The following TTLL11 variants were observed in gnomAD, a reference collection of about 807,000 sequenced individuals.
TTLL11 encodes tubulin tyrosine ligase like 11.
In TTLL11, 42 loss-of-function variants were observed where a neutral mutation model predicts 51.7. That is an observed-to-expected ratio of 0.81 (90% CI 0.64 to 1.05). The LOEUF (loss-of-function observed/expected upper bound fraction) is 1.05, where lower values mean the gene tolerates loss of function less well. Among genes scored for constraint, TTLL11 ranks in the 50% least tolerant of loss-of-function variants. The probability of loss-of-function intolerance (pLI) is 0.00; values close to 1 mark genes in which losing one functional copy is unlikely to be tolerated. For synonymous variants in TTLL11, 381 were observed against 383.5 expected (o/e 0.99, Z 0.08); for missense variants, 799 against 940.4 (o/e 0.85, Z 1.97).
At chr9:121,917,559 AAG>A (rs1588123593) in intron 6 of TTLL11, among the ~76,000 whole-genome samples, 1 of 149,280 alleles carries the variant, frequency 6.7e-6, no homozygotes. Context: ...AAGAAAAAGA[AAG>A]AAAGAAAGAA....
intron 6 of TTLL11, among the ~76,000 whole-genome samples, chr9:121,926,636 C>T (rs1840746870): frequency 6.6e-6 from 1 of 152,156 alleles, no homozygotes; most frequent in Non-Finnish European, 1.5e-5. Flanking sequence ...AGTGGGGCTT[C>T]GGGGCCAAGG....
chr9:121,991,707 G>A (rs573854721), intron 3 of TTLL11, among the ~76,000 whole-genome samples: 10 of 152,240 alleles, frequency 6.6e-5, no homozygotes, highest in South Asian at 2.1e-4. Flanking sequence ...AATAGTCTCC[G>A]TCACTCATTG....
chr9:121,897,577 C>T (rs901322754), intron 6 of TTLL11, among the ~76,000 whole-genome samples: 2 of 150,694 alleles, frequency 1.3e-5, no homozygotes, highest in African/African-American at 4.9e-5. Flanking sequence ...CTTGGCTACC[C>T]CGCATCCCAC....
intron 3 of TTLL11, among the ~76,000 whole-genome samples, chr9:121,992,696 C>T (rs1464788713): frequency 2.0e-5 from 3 of 152,190 alleles, no homozygotes; most frequent in Non-Finnish European, 2.9e-5. Context: ...AAATCCATTA[C>T]CTTGTAACGG....
rs1241132484 is a variant in TTLL11 at position 121,995,632 on chromosome 9, G to A, written c.694-5862C>T. ...TCTCATTGAAGGAAAGTGGGGACAA[G>A]GAGAGGAGGAATTCACTTCATCTAA... On this transcript the variant is annotated intron_variant, in intron 3 of 8. Transcript: ENST00000321582. This position sits in a 1 kb window ranked among gnomAD's most constrained non-coding sequence, Gnocchi z 4.4. 6.6e-6 allele frequency among the ~76,000 whole-genome samples: 1 copy of A among 152,188 alleles called. No homozygotes were observed. The highest frequency in any genetic ancestry group is 1.9e-4 in the East Asian group (1 of 5,186).
intron 7 of TTLL11, among the ~76,000 whole-genome samples, chr9:121,864,267 G>A (rs565551085): frequency 1.8e-3 from 277 of 152,296 alleles, no homozygotes; most frequent in Non-Finnish European, 3.1e-3. Context: ...GAGACTATAC[G>A]TGATCTTAGA....
intron 6 of TTLL11, among the ~76,000 whole-genome samples, chr9:121,960,906 G>A (rs914243351): frequency 3.3e-5 from 5 of 152,056 alleles, no homozygotes; most frequent in Non-Finnish European, 5.9e-5. Context: ...GCTCTGAACC[G>A]CTCAAATTCC....
chr9:121,871,290 A>G (rs912995538), intron 6 of TTLL11, among the ~76,000 whole-genome samples: 1 of 151,922 alleles, frequency 6.6e-6, no homozygotes, highest in African/African-American at 2.4e-5. Flanking sequence ...CTTAGTCTGG[A>G]TATTCAGAAA....
intron 6 of TTLL11, among the ~76,000 whole-genome samples, chr9:121,871,820 T>C (rs1356828342): frequency 6.6e-6 from 1 of 152,212 alleles, no homozygotes; most frequent in East Asian, 1.9e-4. Context: ...CTCACTGGCC[T>C]GCCCTGGAAC....
At chr9:121,924,448 G>A (rs1244309346) in intron 6 of TTLL11, among the ~76,000 whole-genome samples, 4 of 152,222 alleles carry the variant, frequency 2.6e-5, no homozygotes, top group African/African-American at 4.8e-5. Context: ...GCTGCCTAAT[G>A]TTATTTGTTA....
chr9:121,850,086 A>T (rs925820692), intron 8 of TTLL11, among the ~76,000 whole-genome samples: 8 of 152,118 alleles, frequency 5.3e-5, no homozygotes, highest in African/African-American at 1.9e-4. Context: ...CTTAAAAAAA[A>T]CCTACCAATC....
intron 1 of TTLL11, among the ~76,000 whole-genome samples, chr9:122,039,946 G>A (rs1218694688): frequency 6.6e-6 from 1 of 151,714 alleles, no homozygotes; most frequent in East Asian, 1.9e-4. Flanking sequence ...ATGAATCCCA[G>A]GGCCTAAAAC....
chr9:121,999,726 ACACACACACC>A (rs1161116955), intron 3 of TTLL11, among the ~76,000 whole-genome samples: 2 of 152,218 alleles, frequency 1.3e-5, no homozygotes, highest in Non-Finnish European at 2.9e-5. Context: ...AAACCCAGCT[ACACACACACC>A]CACACACGTG....
chr9:121,826,317 T>C (rs1836768376), intron 8 of TTLL11, among the ~76,000 whole-genome samples: 2 of 111,110 alleles, frequency 1.8e-5, no homozygotes, highest in Non-Finnish European at 3.9e-5. Context: ...TATGGGTTTA[T>C]ATATATATAT....
rs59700871 is a variant in TTLL11 at position 121,919,847 on chromosome 9, TA to T, written c.1482-49100del. Among the ~76,000 whole-genome samples, 208 of 60,834 alleles carry T rather than the reference TA, an allele frequency of 3.4e-3. 1 individual carries two copies. Among genetic ancestry groups the T allele is most frequent in the East Asian group, 0.015 (31 of 2,002 alleles). 39.9% of individuals were successfully genotyped at this position (60,834 alleles called of 152,430 possible). A position where few individuals can be genotyped will look rare whatever the true frequency, so the allele number is the denominator to read the frequency against. ...GGCAACATAGTGAGACCCTCATCTC[TA>T]AAAAAAAAAAAAAAAAAAAAAAGGA... On this transcript the variant is annotated intron_variant, in intron 6 of 8. Coordinates refer to ENST00000321582, the MANE Select transcript of TTLL11 (RefSeq NM_001139442.2).
At chr9:122,080,913 T>C (rs552310281) in intron 1 of TTLL11, among the ~76,000 whole-genome samples, 1 of 152,284 alleles carries the variant, frequency 6.6e-6, no homozygotes, top group East Asian at 1.9e-4. Flanking sequence ...GACATTAATG[T>C]TAATGATACA....
In TTLL11 at chr9:122,067,914, T is replaced by A. The variant is rs1370484316; in HGVS notation, c.462+24773A>T. On this transcript the variant is annotated intron_variant, in intron 1 of 8. Coordinates refer to ENST00000321582, the MANE Select transcript of TTLL11 (RefSeq NM_001139442.2). Reference sequence around the variant, plus strand: ...CACAATAGTTACCAGAGTGAAAACATTCCAAATTTTATACCTTAGTTTTGA... The same window carrying A: ...CACAATAGTTACCAGAGTGAAAACAATCCAAATTTTATACCTTAGTTTTGA... 2.0e-5 allele frequency among the ~76,000 whole-genome samples: 3 copies of A among 152,262 alleles called. No homozygotes were observed. In the South Asian group the frequency reaches 6.2e-4, roughly 31 times the overall value.
At chr9:122,060,892 A>T (rs1370737345) in intron 1 of TTLL11, among the ~76,000 whole-genome samples, 1 of 152,226 alleles carries the variant, frequency 6.6e-6, no homozygotes, top group African/African-American at 2.4e-5. Flanking sequence ...GGAGAAGATC[A>T]GTGTATTAGT....
chr9:121,911,930 TA>T (rs542865340), intron 6 of TTLL11, among the ~76,000 whole-genome samples: 10 of 151,528 alleles, frequency 6.6e-5, no homozygotes, highest in East Asian at 1.9e-4. Flanking sequence ...TAAAGTATAA[TA>T]AAAAAAAATT....
Sources: gnomAD v4.1 joint callset for allele counts (sites outside exome capture counted in the v4.1 genomes callset) on GRCh38, gnomAD v4.1.1 for gene constraint, Gnocchi (gnomAD v3.1) non-coding constraint, MANE v1.5 for transcripts, NCBI Gene and HGNC (gene_info 2026-07-23, HGNC 2026-07-21) for gene names.